Variants in COL14A1 observed in about 807,000 individuals in gnomAD.
COL14A1 encodes collagen type XIV alpha 1 chain.
COL14A1 carries 136 observed loss-of-function variants against 230.3 expected under a neutral mutation model. The observed-to-expected ratio is 0.59, with a 90% CI of 0.51 to 0.68. COL14A1 has a LOEUF of 0.68. Ranked by LOEUF, COL14A1 falls within the 30% of genes least tolerant of loss-of-function variation. The pLI, the probability that COL14A1 is intolerant of heterozygous loss-of-function variation, is 0.00. For synonymous variants in COL14A1, 792 were observed against 784.1 expected (o/e 1.01, Z -0.17); for missense variants, 1,976 against 2,215.8 (o/e 0.89, Z 2.17).
intron 35 of COL14A1, among the ~76,000 whole-genome samples, chr8:120,299,448 C>G (rs999640903): frequency 1.6e-4 from 24 of 152,076 alleles, no homozygotes; most frequent in Admixed American, 3.9e-4. Flanking sequence ...TCGGAATCCT[C>G]TGTTGTATCA....
intron 38 of COL14A1, 39 bp downstream of exon 38, chr8:120,314,066 A>C (rs1186567644): frequency 7.1e-7 from 1 of 1,405,814 alleles, no homozygotes; most frequent in Non-Finnish European, 9.9e-7. Flanking sequence ...TTTTATTGTT[A>C]TCTCTTTTCC....
intron 12 of COL14A1, among the ~76,000 whole-genome samples, chr8:120,211,157 T>G (rs1817605939): frequency 3.9e-5 from 6 of 152,160 alleles, no homozygotes; most frequent in Admixed American, 3.3e-4. Context: ...TATATACTAC[T>G]TTTTGGAAAT....
intron 45 of COL14A1, among the ~76,000 whole-genome samples, chr8:120,362,133 T>C (rs563405218): frequency 6.6e-6 from 1 of 152,308 alleles, no homozygotes; most frequent in East Asian, 1.9e-4. Flanking sequence ...CAGCTTAGGA[T>C]GGAGAGGCAG....
chr8:120,280,972 T>A lies in COL14A1; in HGVS notation c.3737T>A (p.Val1246Glu), dbSNP rs747167767. Residue 1246 changes from valine to glutamate, a missense_variant, in exon 31 of 48, where the codon GTG becomes GAG. Physicochemically the swap from Val to Glu is moderately radical, Grantham distance 121. Around this residue, in one of 3 missense-constraint regions of COL14A1, gnomAD observed 1,791 missense variants for 2,019.5 expected, o/e 0.89. Coordinates refer to ENST00000297848, the MANE Select transcript of COL14A1 (RefSeq NM_021110.4). ...FGLVEKDFSS[V>E]EGVSMEPGTF... is the part of the protein sequence containing the mutation. ...TTGGTTGAAAAAGATTTTTCATCAG[T>A]GGAAGGGGTTTCTATGGAGCCTGGT... 3.1e-6 allele frequency: 5 copies of A among 1,612,222 alleles called. No individual in the cohort carries two copies. Among genetic ancestry groups the A allele is most frequent in the Non-Finnish European group, 4.2e-6 (5 of 1,179,030 alleles).
At chr8:120,217,721 T>C (rs1397457251) in intron 14 of COL14A1, among the ~76,000 whole-genome samples, 1 of 151,992 alleles carries the variant, frequency 6.6e-6, no homozygotes, top group Non-Finnish European at 1.5e-5. Flanking sequence ...TTATTGAAGA[T>C]AGCAGCCTGG....
intron 5 of COL14A1, among the ~76,000 whole-genome samples, chr8:120,188,494 G>C (rs1326246120): frequency 2.6e-5 from 4 of 152,170 alleles, no homozygotes; most frequent in African/African-American, 9.7e-5. Flanking sequence ...AGAGAAAGGG[G>C]ATCATTTCTC....
intron 5 of COL14A1, among the ~76,000 whole-genome samples, chr8:120,174,953 C>A (rs1044053939): frequency 2.6e-5 from 4 of 152,114 alleles, no homozygotes; most frequent in African/African-American, 9.7e-5. Context: ...TAGCATAAGC[C>A]CCTCCTCCAA....
At chr8:120,238,599 C>G (rs1044806543) in intron 19 of COL14A1, among the ~76,000 whole-genome samples, 1 of 152,180 alleles carries the variant, frequency 6.6e-6, no homozygotes, top group African/African-American at 2.4e-5. Context: ...CTTCAGCCCC[C>G]TTTCCAGGGG....
At chr8:120,310,513 C>A (rs953037847) in intron 37 of COL14A1, among the ~76,000 whole-genome samples, 2 of 152,126 alleles carry the variant, frequency 1.3e-5, no homozygotes, top group African/African-American at 4.8e-5. Context: ...TTCTTACTGC[C>A]CAGGGTCATC....
chr8:120,351,285 G>A (rs1285628269), intron 45 of COL14A1, among the ~76,000 whole-genome samples: 3 of 143,262 alleles, frequency 2.1e-5, no homozygotes, highest in Non-Finnish European at 3.1e-5. Flanking sequence ...AGAGAAAGCA[G>A]GAAAGATCCA....
At chr8:120,301,676 T>A (rs1043842159) in intron 36 of COL14A1, among the ~76,000 whole-genome samples, 1 of 152,192 alleles carries the variant, frequency 6.6e-6, no homozygotes, top group Non-Finnish European at 1.5e-5. Context: ...CGTGTGTATA[T>A]GTCTTTATGA....
At chr8:120,314,070 C>A in intron 38 of COL14A1, 43 bp downstream of exon 38, 2 of 1,369,696 alleles carry the variant, frequency 1.5e-6, no homozygotes, top group African/African-American at 1.5e-5. Flanking sequence ...ATTGTTATCT[C>A]TTTTCCATGA....
chr8:120,301,816 C>T (rs1256599906), intron 36 of COL14A1, among the ~76,000 whole-genome samples: 2 of 152,138 alleles, frequency 1.3e-5, no homozygotes, highest in Admixed American at 1.3e-4. Flanking sequence ...TTTACACTCC[C>T]ACCAACAGTG....
intron 42 of COL14A1, among the ~76,000 whole-genome samples, chr8:120,334,324 T>C (rs1821976824): frequency 6.6e-6 from 1 of 152,160 alleles, no homozygotes; most frequent in Non-Finnish European, 1.5e-5. Flanking sequence ...CACATTCAAA[T>C]AAATGCTATC....
At chr8:120,230,074 G>A (rs1466796063) in intron 18 of COL14A1, among the ~76,000 whole-genome samples, 1 of 152,004 alleles carries the variant, frequency 6.6e-6, no homozygotes, top group Non-Finnish European at 1.5e-5. Context: ...TAGAGATGAG[G>A]TCTTTCCATA....
intron 1 of COL14A1, among the ~76,000 whole-genome samples, chr8:120,128,994 T>A (rs1303959596): frequency 1.3e-5 from 2 of 152,158 alleles, no homozygotes; most frequent in Non-Finnish European, 2.9e-5. Flanking sequence ...GCCTTTTGTC[T>A]CTGGCTTTTG....
At chr8:120,343,098 G>A (rs567545929) in intron 44 of COL14A1, among the ~76,000 whole-genome samples, 3 of 152,236 alleles carry the variant, frequency 2.0e-5, no homozygotes, top group African/African-American at 4.8e-5. Context: ...TGATAGCACT[G>A]TATTTCCCTG....
At chr8:120,238,826 C>T (rs1051714573) in intron 19 of COL14A1, among the ~76,000 whole-genome samples, 4 of 152,124 alleles carry the variant, frequency 2.6e-5, no homozygotes, top group Admixed American at 6.5e-5. Context: ...TCCCTCATGG[C>T]GTGGTCCCTC....
At chr8:120,332,362 C>A (rs1373152331) in intron 41 of COL14A1, among the ~76,000 whole-genome samples, 168 bp downstream of exon 41, 1 of 152,164 alleles carries the variant, frequency 6.6e-6, no homozygotes, top group African/African-American at 2.4e-5. Context: ...AGATAATATA[C>A]CCATATTGCC....
Sources: gnomAD v4.1 joint callset for allele counts (sites outside exome capture counted in the v4.1 genomes callset) on GRCh38, gnomAD v4.1.1 for gene constraint, gnomAD v4.1.1 regional missense constraint, MANE v1.5 for transcripts, NCBI Gene and HGNC (gene_info 2026-07-23, HGNC 2026-07-21) for gene names.